FGD4: variants seen among roughly 807,000 people sequenced by gnomAD.
FGD4 encodes FYVE, RhoGEF and PH domain-containing protein 4.
FGD4 carries 42 observed loss-of-function variants against 102.0 expected under a neutral mutation model. The observed-to-expected ratio is 0.41, with a 90% CI of 0.32 to 0.53. FGD4 has a LOEUF of 0.53. FGD4 is among the 20% of genes least tolerant of loss of function. The pLI is 0.21. For missense variants in FGD4, 902 were observed against 1,078.2 expected (o/e 0.84, Z 2.29); for synonymous variants, 380 against 375.7 (o/e 1.01, Z -0.13).
chr12:32,424,633 G>A (rs1193144096), intron 1 of FGD4, among the ~76,000 whole-genome samples: 2 of 152,100 alleles, frequency 1.3e-5, no homozygotes, highest in Non-Finnish European at 2.9e-5. Flanking sequence ...CTAGATTTTT[G>A]AGAAATAGCC....
chr12:32,493,366 C>T (rs1366014071), intron 1 of FGD4, among the ~76,000 whole-genome samples: 1 of 152,170 alleles, frequency 6.6e-6, no homozygotes, highest in African/African-American at 2.4e-5. Context: ...CAGGCTGTCA[C>T]GCCACTTTCC....
chr12:32,622,206 A>G (rs1949884644), intron 11 of FGD4, among the ~76,000 whole-genome samples: 1 of 152,144 alleles, frequency 6.6e-6, no homozygotes, highest in Non-Finnish European at 1.5e-5. Context: ...TCTGATCATC[A>G]TAGTTTTCAT....
chr12:32,618,787 A>G (rs192422794), intron 10 of FGD4, among the ~76,000 whole-genome samples: 1 of 152,316 alleles, frequency 6.6e-6, no homozygotes, highest in East Asian at 1.9e-4. Flanking sequence ...CCTGGGCAAC[A>G]TAGCAAGACC....
intron 1 of FGD4, among the ~76,000 whole-genome samples, chr12:32,458,407 G>A (rs564727951): frequency 6.6e-5 from 10 of 151,952 alleles, no homozygotes; most frequent in African/African-American, 2.4e-4. Context: ...GAACTGGGCT[G>A]AAGTGATCCT....
At position 32,643,393 on chromosome 12, in the gene FGD4, G is replaced by C. The variant is rs1199549666; in HGVS notation, c.*2860G>C. ...TTATTAACTTTCTAGATGTGATACGGTAATTCGAATTGCAGAGTATAAGGA... is the reference window on the plus strand; with the variant it reads ...TTATTAACTTTCTAGATGTGATACGCTAATTCGAATTGCAGAGTATAAGGA... On this transcript the variant is annotated 3_prime_UTR_variant, in exon 17 of 17. Coordinates refer to ENST00000534526, the MANE Select transcript of FGD4 (RefSeq NM_001370298.3). 6.6e-6 allele frequency: 1 copy of C among 152,404 alleles called. No homozygotes were observed. The highest frequency in any genetic ancestry group is 1.5e-5 in the Non-Finnish European group (1 of 67,918). 9.4% of individuals were successfully genotyped at this position (152,404 alleles called of 1,614,324 possible). A position where few individuals can be genotyped will look rare whatever the true frequency, so the allele number is the denominator to read the frequency against.
chr12:32,542,978 G>A (rs1192094873), intron 1 of FGD4, among the ~76,000 whole-genome samples: 1 of 152,126 alleles, frequency 6.6e-6, no homozygotes. Context: ...CCTGGAGTTA[G>A]CGTCAGATCC....
In FGD4 at chr12:32,609,275, A is replaced by G. The variant is rs1948987269; in HGVS notation, c.1543+1180A>G. On this transcript the variant is annotated intron_variant, in intron 8 of 16. Coordinates refer to ENST00000534526, the MANE Select transcript of FGD4 (RefSeq NM_001370298.3). Reference sequence around the variant, plus strand: ...TCTCCATTGGCCCCTTCCATAGTGTAGGATGAACTCGGCTTGCCATCTCCT... The same window carrying G: ...TCTCCATTGGCCCCTTCCATAGTGTGGGATGAACTCGGCTTGCCATCTCCT... Among the ~76,000 whole-genome samples, 3 of 152,326 alleles carry G rather than the reference A, an allele frequency of 2.0e-5. No homozygotes were observed. The Middle Eastern group carries it at 0.01, about 518-fold the overall frequency.
chr12:32,507,153 C>T (rs1938850574), intron 1 of FGD4, among the ~76,000 whole-genome samples: 1 of 142,520 alleles, frequency 7.0e-6, no homozygotes, highest in Non-Finnish European at 1.5e-5. Flanking sequence ...TTGTTCAATT[C>T]CCATCTATGA....
At chr12:32,497,087 T>C (rs975610236) in intron 1 of FGD4, among the ~76,000 whole-genome samples, 8 of 152,174 alleles carry the variant, frequency 5.3e-5, no homozygotes, top group African/African-American at 1.9e-4. Context: ...CCTCCTCACA[T>C]AGACTTTCCT....
intron 10 of FGD4, among the ~76,000 whole-genome samples, chr12:32,614,034 CT>C (rs1949306529): frequency 6.6e-6 from 1 of 152,140 alleles, no homozygotes; most frequent in South Asian, 2.1e-4. Context: ...CATCCACATC[CT>C]TTTGCTAGGA....
At chr12:32,640,223 A>G in intron 16 of FGD4, 53 bp from the exon 17 acceptor site, 1 of 1,613,848 alleles carries the variant, frequency 6.2e-7, no homozygotes, top group Non-Finnish European at 8.5e-7. Context: ...CAAGGGACAC[A>G]CTTAACAAGC....
intron 3 of FGD4, among the ~76,000 whole-genome samples, chr12:32,579,959 A>C (rs2136412707): frequency 6.6e-6 from 1 of 152,298 alleles, no homozygotes; most frequent in South Asian, 2.1e-4. Context: ...CAAAGGTGAC[A>C]CATCTCAGCA....
chr12:32,590,869 A>G (rs1947417812), intron 4 of FGD4, among the ~76,000 whole-genome samples: 2 of 152,188 alleles, frequency 1.3e-5, no homozygotes, highest in Admixed American at 1.3e-4. Flanking sequence ...AAGAATCTGC[A>G]GAACTTTGGA....
chr12:32,401,807 C>A (rs557881099), intron 1 of FGD4, among the ~76,000 whole-genome samples: 274 of 147,826 alleles, frequency 1.9e-3, no homozygotes, highest in Middle Eastern at 3.6e-3. Context: ...CGGCTCACTG[C>A]AACCTCTGCC....
intron 4 of FGD4, among the ~76,000 whole-genome samples, chr12:32,586,465 G>T (rs1336082451): frequency 6.6e-6 from 1 of 152,108 alleles, no homozygotes; most frequent in African/African-American, 2.4e-5. Context: ...TGTTTTGTTG[G>T]GTTATACATA....
chr12:32,626,446 GAAAAAAAAA>G (rs34938382), intron 14 of FGD4, among the ~76,000 whole-genome samples: 1 of 101,882 alleles, frequency 9.8e-6, no homozygotes, highest in African/African-American at 3.4e-5. Context: ...CTCCATCTCA[GAAAAAAAAA>G]AAAAAAAAAA....
At chr12:32,551,725 T>C (rs1943684438) in intron 1 of FGD4, among the ~76,000 whole-genome samples, 1 of 152,220 alleles carries the variant, frequency 6.6e-6, no homozygotes, top group African/African-American at 2.4e-5. Context: ...ATTTGAGTTT[T>C]GATACGGATG....
At position 32,582,277 on chromosome 12, in the gene FGD4, C is replaced by T. The variant is rs575298633; in HGVS notation, c.821C>T (p.Thr274Ile). 6.8e-6 allele frequency: 11 copies of T among 1,614,250 alleles called. No homozygotes were observed. The South Asian group carries it at 1.1e-4, about 16-fold the overall frequency. ...AATGGAGAAAGAGATGAAACTGCCA[C>T]AGCTCCTGCATCACCCACAACAGAC... ...IVNGERDETA[T>I]APASPTTDSC... Residue 274 changes from threonine (T) to isoleucine (I), a missense_variant, in exon 4 of 17, where the codon ACA becomes ATA. Thr to Ile is a moderately conservative substitution (Grantham distance 89). Around this residue, in one of 2 missense-constraint regions of FGD4, gnomAD observed 443 missense variants for 459.2 expected, o/e 0.96. Transcript: ENST00000534526.
chr12:32,524,029 A>T (rs981973269), intron 1 of FGD4, among the ~76,000 whole-genome samples: 1 of 151,960 alleles, frequency 6.6e-6, no homozygotes, highest in African/African-American at 2.4e-5. Context: ...CTTGGCACTG[A>T]TCTACTGGAA....
Sources: allele counts gnomAD v4.1 joint callset (sites outside exome capture counted in the v4.1 genomes callset), GRCh38; gene constraint gnomAD v4.1.1; regional missense constraint gnomAD v4.1.1; transcripts MANE v1.5; gene names NCBI Gene and HGNC (gene_info 2026-07-23, HGNC 2026-07-21).